WRN: variants seen among roughly 807,000 people sequenced by gnomAD.
The protein encoded by WRN is bifunctional 3'-5' exonuclease/ATP-dependent helicase WRN.
WRN carries 149 observed loss-of-function variants against 180.7 expected under a neutral mutation model. The ratio of observed to expected loss-of-function variants is 0.82; its 90% CI spans 0.72 to 0.94. WRN has a LOEUF of 0.94. WRN is among the 40% of genes least tolerant of loss of function. The pLI is 0.00. For synonymous variants in WRN, 548 were observed against 568.9 expected (o/e 0.96, Z 0.52); for missense variants, 1,661 against 1,700.1 (o/e 0.98, Z 0.40).
intron 19 of WRN, 57 bp from the exon 20 acceptor site, chr8:31,116,297 G>T: frequency 6.3e-7 from 1 of 1,576,818 alleles, no homozygotes; most frequent in African/African-American, 1.3e-5. Context: ...AAACCAAACG[G>T]GTCTGAAGCA....
intron 34 of WRN, among the ~76,000 whole-genome samples, chr8:31,169,754 G>A (rs2130521841): frequency 6.6e-6 from 1 of 152,192 alleles, no homozygotes; most frequent in South Asian, 2.1e-4. Flanking sequence ...TTTTATCTGG[G>A]CTTTCTCTTC....
At chr8:31,106,351 G>A (rs1322887371) in intron 18 of WRN, among the ~76,000 whole-genome samples, 3 of 151,730 alleles carry the variant, frequency 2.0e-5, no homozygotes, top group Non-Finnish European at 4.4e-5. Context: ...TCATGTCTTC[G>A]GCTCAGAACC....
In WRN at chr8:31,120,413, T is replaced by A; in HGVS notation, c.2619T>A (p.Ile873=). 2 of 1,612,044 alleles carry A rather than the reference T, an allele frequency of 1.2e-6. No homozygotes were observed. The highest frequency in any genetic ancestry group is 1.7e-6 in the Non-Finnish European group (2 of 1,178,800). The change falls in exon 21 of 35, where the codon ATT becomes ATA. Residue 873 remains isoleucine (I), a synonymous_variant. Coordinates refer to ENST00000298139, the MANE Select transcript of WRN (RefSeq NM_000553.6). ...ACGTCCTCTGGGCTCCTGCAGACAT[T>A]AACTTAAATAGGTAAAAAAAATTTA... ...SCHVLWAPAD[I]NLNRHLLTEI...
chr8:31,057,397 C>T lies in WRN; in HGVS notation c.-76-975C>T, dbSNP rs1172710915. The stretch of plus-strand genomic sequence containing the variant: ...CATCCTGGCTAACATGGTGAAACCC[C>T]GTCGCTACTAAAACATGCAAAAAAT... On this transcript the variant is annotated intron_variant, in intron 1 of 34. Coordinates refer to ENST00000298139, the MANE Select transcript of WRN (RefSeq NM_000553.6). 4.0e-4 allele frequency among the ~76,000 whole-genome samples: 61 copies of T among 151,838 alleles called. 2 individuals carry two copies. The highest frequency in any genetic ancestry group is 4.4e-5 in the Non-Finnish European group (3 of 67,952).
intron 29 of WRN, 53 bp downstream of exon 29, chr8:31,147,181 A>G (rs1802892387): frequency 6.4e-7 from 1 of 1,569,690 alleles, no homozygotes; most frequent in East Asian, 2.2e-5. Context: ...TTATGATTCT[A>G]TGTATGCTTA....
intron 23 of WRN, among the ~76,000 whole-genome samples, chr8:31,125,715 G>A (rs1363669046): frequency 6.7e-6 from 1 of 150,078 alleles, no homozygotes; most frequent in Non-Finnish European, 1.5e-5. Flanking sequence ...AGGTGATGTT[G>A]CAGTCTTGAG....
At chr8:31,043,707 A>T (rs180800009) in intron 1 of WRN, among the ~76,000 whole-genome samples, 154 of 152,300 alleles carry the variant, frequency 1.0e-3, no homozygotes, top group African/African-American at 3.6e-3. Context: ...TCAGCAAGAA[A>T]GAGGTAGGCA....
At chr8:31,164,000 C>T (rs568336475) in intron 33 of WRN, among the ~76,000 whole-genome samples, 89 of 152,004 alleles carry the variant, frequency 5.9e-4, no homozygotes, top group African/African-American at 2.0e-3. Context: ...CCACACCTGG[C>T]TAATTTTTAA....
intron 14 of WRN, 68 bp downstream of exon 14, chr8:31,090,600 T>C (rs1813709995): frequency 3.4e-6 from 5 of 1,468,260 alleles, no homozygotes; most frequent in Non-Finnish European, 4.7e-6. Context: ...AAATGCTTAA[T>C]CTTTCATTAA....
At chr8:31,167,571 A>G (rs1391732154) in intron 34 of WRN, among the ~76,000 whole-genome samples, 1 of 152,138 alleles carries the variant, frequency 6.6e-6, no homozygotes, top group Non-Finnish European at 1.5e-5. Flanking sequence ...AAGTGAAAAC[A>G]AATTGTATTA....
intron 1 of WRN, among the ~76,000 whole-genome samples, chr8:31,040,465 G>A (rs1299284115): frequency 6.6e-6 from 1 of 152,142 alleles, no homozygotes; most frequent in Non-Finnish European, 1.5e-5. Flanking sequence ...GAGGTAAGAA[G>A]GAGCAGCAGA....
At position 31,061,336 on chromosome 8, in the gene WRN, A is replaced by AT. The variant is rs201983350; in HGVS notation, c.209+2080dup. Among the ~76,000 whole-genome samples, 468 of 150,594 alleles carry AT rather than the reference A, an allele frequency of 3.1e-3. 4 individuals are homozygous for AT. Among genetic ancestry groups the AT allele is most frequent in the African/African-American group, 0.01 (415 of 41,052 alleles). ...CTCTAGAAGTCCCATTTGGTTCTTA[A>AT]TTTTTTTTTCCATTTTGGCTCTCAT... On this transcript the variant is annotated intron_variant, in intron 3 of 34. Transcript: ENST00000298139.
At chr8:31,058,611 G>A in intron 2 of WRN, 68 bp downstream of exon 2, 2 of 1,476,602 alleles carry the variant, frequency 1.4e-6, no homozygotes, top group Non-Finnish European at 1.9e-6. Context: ...CAAAGAGTCA[G>A]TTGTTACTTG....
At position 31,085,212 on chromosome 8, in the gene WRN, A is replaced by G; in HGVS notation, c.1397A>G (p.Glu466Gly). The change falls in exon 11 of 35, where the codon GAG (glutamate) becomes GGG (glycine). Residue 466 changes from glutamate to glycine, a missense_variant. Glu to Gly is a moderately conservative substitution (Grantham distance 98). This residue lies in a region of WRN where 20 missense variants were observed against 46.7 expected (regional missense o/e 0.43). Coordinates refer to ENST00000298139, the MANE Select transcript of WRN (RefSeq NM_000553.6). ...GAAAACGATACGTCCTATGTAATTG[A>G]GAGTGATGAAGATTTAGAAATGGAG... ...DNENDTSYVI[E>G]SDEDLEMEML... The G allele has an allele frequency of 6.2e-7, 1 of 1,612,938 alleles. No individual in the cohort carries two copies. The highest frequency in any genetic ancestry group is 8.5e-7 in the Non-Finnish European group (1 of 1,179,356).
intron 1 of WRN, among the ~76,000 whole-genome samples, chr8:31,034,196 C>T (rs1585376082): frequency 6.6e-6 from 1 of 152,162 alleles, no homozygotes; most frequent in Non-Finnish European, 1.5e-5. Context: ...GTTTCCCCGC[C>T]CCTGACGGCC....
rs374979678 is a variant in WRN at position 31,075,889 on chromosome 8, A to AT, written c.725-282dup. ...TTTGCAATAGTACAGACAGGTTCAGATTCTCATTTCCACCTTCTCCTTCTG... is the reference window on the plus strand; with the variant it reads ...TTTGCAATAGTACAGACAGGTTCAGATTTCTCATTTCCACCTTCTCCTTCTG... On this transcript the variant is annotated intron_variant, in intron 7 of 34. Transcript: ENST00000298139. 1.5e-4 allele frequency among the ~76,000 whole-genome samples: 23 copies of AT among 152,316 alleles called. No individual in the cohort carries two copies. In the East Asian group the frequency reaches 3.7e-3, roughly 24 times the overall value.
chr8:31,124,457 A>C (rs963644685), intron 21 of WRN, 65 bp from the exon 22 acceptor site: 2 of 963,988 alleles, frequency 2.1e-6, no homozygotes, highest in African/African-American at 4.0e-5. Flanking sequence ...AAAAATAAGT[A>C]AAAAAAAAAG....
At position 31,139,999 on chromosome 8, in the gene WRN, C is replaced by CT. The variant is rs1563375284; in HGVS notation, c.2968-1428dup. On this transcript the variant is annotated intron_variant, in intron 24 of 34. Transcript: ENST00000298139. ...CATAAAGCTCTATGTTTGTATACTT[C>CT]TTTGTTTTTTTTTTTTTTTTTTTTT... 2.6e-3 allele frequency among the ~76,000 whole-genome samples: 195 copies of CT among 74,730 alleles called. 5 individuals are homozygous for CT. Among genetic ancestry groups the CT allele is most frequent in the African/African-American group, 9.7e-3 (181 of 18,728 alleles). 49.0% of individuals were successfully genotyped at this position (74,730 alleles called of 152,430 possible). A position where few individuals can be genotyped will look rare whatever the true frequency, so the allele number is the denominator to read the frequency against.
At chr8:31,066,166 C>T (rs1812690650) in intron 5 of WRN, among the ~76,000 whole-genome samples, 1 of 151,200 alleles carries the variant, frequency 6.6e-6, no homozygotes, top group Admixed American at 6.6e-5. Flanking sequence ...GCGTGAGCCA[C>T]CGCACCTGGC....
Sources: allele counts gnomAD v4.1 joint callset (sites outside exome capture counted in the v4.1 genomes callset), GRCh38; gene constraint gnomAD v4.1.1; regional missense constraint gnomAD v4.1.1; transcripts MANE v1.5; gene names NCBI Gene and HGNC (gene_info 2026-07-23, HGNC 2026-07-21).